CELSR1: variants seen among roughly 807,000 people sequenced by gnomAD.
CELSR1 encodes cadherin EGF LAG seven-pass G-type receptor 1, also known as adhesion G protein-coupled receptor C1.
In CELSR1, 110 loss-of-function variants were observed where a neutral mutation model predicts 249.1. That is an observed-to-expected ratio of 0.44 (90% CI 0.38 to 0.52). The LOEUF is 0.52. Ranked by LOEUF, CELSR1 falls within the 20% of genes least tolerant of loss-of-function variation. The pLI is 0.00. For missense variants in CELSR1, 4,109 were observed against 4,296.4 expected (o/e 0.96, Z 1.22); for synonymous variants, 2,113 against 1,900.0 (o/e 1.11, Z -2.92).
At chr22:46,459,648 T>C (rs1278798376) in intron 2 of CELSR1, among the ~76,000 whole-genome samples, 7 of 152,150 alleles carry the variant, frequency 4.6e-5, no homozygotes, top group African/African-American at 1.4e-4. Flanking sequence ...GCACTACAGA[T>C]GTCAAGCAGC....
chr22:46,462,512 A>G (rs1476998158), intron 2 of CELSR1, among the ~76,000 whole-genome samples: 1 of 152,176 alleles, frequency 6.6e-6, no homozygotes, highest in Non-Finnish European at 1.5e-5. Flanking sequence ...AACTTGTGCT[A>G]TGTGCTGGTA....
rs1461494302 is a variant in CELSR1, at chr22:46,399,755, G to A, written c.5374C>T (p.His1792Tyr). ...TAGTCCAAGGTCATGGTGACCAGGT[G>A]CTTCATCTCACTGTCCTCCTTAACA... is the stretch of plus-strand genomic sequence containing the variant. ...KNVKEDSEMKHLVTMTLDYGM... is the reference protein window; with the variant it reads ...KNVKEDSEMKYLVTMTLDYGM... The change falls in exon 10 of 35, where the codon CAC becomes TAC. Residue 1792 changes from histidine (H) to tyrosine (Y), a missense_variant. Physicochemically the swap from His to Tyr is moderately conservative, Grantham distance 83 (BLOSUM62 2). Coordinates refer to ENST00000674500, the MANE Select transcript of CELSR1 (RefSeq NM_001378328.1). This position sits in a 1 kb window ranked among gnomAD's most constrained non-coding sequence, Gnocchi z 5.0. 2.5e-6 allele frequency: 4 copies of A among 1,614,062 alleles called. No homozygotes were observed. Among genetic ancestry groups the A allele is most frequent in the East Asian group, 2.2e-5 (1 of 44,872 alleles).
chr22:46,432,968 T>C (rs1347232968), intron 5 of CELSR1, among the ~76,000 whole-genome samples: 1 of 151,940 alleles, frequency 6.6e-6, no homozygotes, highest in African/African-American at 2.4e-5. Context: ...CAATAGCACA[T>C]TTAAAAAAAA....
Position 46,411,453 on chromosome 22 carries a change from C to T in CELSR1, c.4769+149G>A. 2 of 887,070 alleles carry T rather than the reference C, an allele frequency of 2.3e-6. No homozygotes were observed. The highest frequency in any genetic ancestry group is 2.7e-5 in the East Asian group (1 of 37,592). The allele number at this position is 887,070 out of a possible 1,614,324, so 54.9% of individuals were successfully genotyped here. A position where few individuals can be genotyped will look rare whatever the true frequency, so the allele number is the denominator to read the frequency against. ...AAGGTCAGAGGGAAGGTGCCCCAACCATGGACAGGATGTCTGACTCTAGCC... is the reference window on the plus strand; with the variant it reads ...AAGGTCAGAGGGAAGGTGCCCCAACTATGGACAGGATGTCTGACTCTAGCC... On this transcript the variant is annotated intron_variant, in intron 6 of 34. Transcript: ENST00000674500. This position sits in a 1 kb window ranked among gnomAD's most constrained non-coding sequence, Gnocchi z 4.2.
intron 22 of CELSR1, among the ~76,000 whole-genome samples, chr22:46,378,974 G>C (rs2078948878): frequency 6.6e-6 from 1 of 152,228 alleles, no homozygotes; most frequent in African/African-American, 2.4e-5. Context: ...AGGACCATGG[G>C]AACAGTCTCC....
chr22:46,363,292 G>A lies in CELSR1; in HGVS notation c.9036-45C>T. The A allele has an allele frequency of 1.3e-6, 2 of 1,564,158 alleles. No homozygotes were observed. The highest frequency in any genetic ancestry group is 1.8e-6 in the Non-Finnish European group (2 of 1,138,466). ...AGCAAGCAGGTGAAGGGTCAGTGAG[G>A]GTAGCGGCTTGGTGGGGCCCAAGGT... On this transcript the variant is annotated intron_variant, in intron 34 of 34. Coordinates refer to ENST00000674500, the MANE Select transcript of CELSR1 (RefSeq NM_001378328.1). This position sits in a 1 kb window ranked among gnomAD's most constrained non-coding sequence, Gnocchi z 4.3.
intron 2 of CELSR1, among the ~76,000 whole-genome samples, chr22:46,456,334 A>G (rs2079948789): frequency 6.6e-6 from 1 of 152,218 alleles, no homozygotes; most frequent in African/African-American, 2.4e-5. Flanking sequence ...AGCAGATCAC[A>G]TGAAGATGGA....
In CELSR1 at chr22:46,393,265, G is replaced by A. The variant is rs2079112880; in HGVS notation, c.5964+877C>T. Among the ~76,000 whole-genome samples, 1 of 152,210 alleles carries A rather than the reference G, an allele frequency of 6.6e-6. No homozygotes were observed. Among genetic ancestry groups the A allele is most frequent in the Non-Finnish European group, 1.5e-5 (1 of 68,034 alleles). The stretch of plus-strand genomic sequence containing the variant: ...GGAGGTGATGTATCCTGAGAGGGCT[G>A]GGGAGGGGTCCCTAGAGTCTGCACT... On this transcript the variant is annotated intron_variant, in intron 14 of 34. Transcript: ENST00000674500. The surrounding 1 kb of genome is among the most constrained non-coding windows in gnomAD (Gnocchi z 4.1).
intron 9 of CELSR1, among the ~76,000 whole-genome samples, chr22:46,403,242 C>CA (rs1234289704): frequency 1.3e-5 from 2 of 151,906 alleles, no homozygotes; most frequent in African/African-American, 2.4e-5. Flanking sequence ...GAGACAAAGA[C>CA]AAAAAAACAA....
rs1349450040 is a variant in CELSR1, at chr22:46,427,577, A to G, written c.4611+5816T>C. ...ACACCCTACAACTATGGCTTTTAAA[A>G]TCTAGTAACAAGATCCTGGGAGCTC... On this transcript the variant is annotated intron_variant, in intron 5 of 34. Coordinates refer to ENST00000674500, the MANE Select transcript of CELSR1 (RefSeq NM_001378328.1). The surrounding 1 kb of genome is among the most constrained non-coding windows in gnomAD (Gnocchi z 4.2). Among the ~76,000 whole-genome samples, 1 of 152,192 alleles carries G rather than the reference A, an allele frequency of 6.6e-6. No individual in the cohort carries two copies. Among genetic ancestry groups the G allele is most frequent in the Non-Finnish European group, 1.5e-5 (1 of 68,046 alleles).
At position 46,445,953 on chromosome 22, in the gene CELSR1, C is replaced by G. The variant is rs755079866; in HGVS notation, c.4184-6542G>C. Among the ~76,000 whole-genome samples, 4 of 152,156 alleles carry G rather than the reference C, an allele frequency of 2.6e-5. No homozygotes were observed. Among genetic ancestry groups the G allele is most frequent in the Non-Finnish European group, 4.4e-5 (3 of 68,024 alleles). On this transcript the variant is annotated intron_variant, in intron 2 of 34. Transcript: ENST00000674500. The surrounding 1 kb of genome is among the most constrained non-coding windows in gnomAD (Gnocchi z 4.4). ...TGCACAGCCACAAGCCCCCTCGCCT[C>G]GCGGCCCCTGCTCCTGCCGCACAGC...
chr22:46,419,926 T>C (rs530592625), intron 5 of CELSR1, among the ~76,000 whole-genome samples: 1 of 151,048 alleles, frequency 6.6e-6, no homozygotes, highest in Non-Finnish European at 1.5e-5. Context: ...CGCTCACACG[T>C]ACACTTACCC....
chr22:46,521,794 G>A (rs2080688857), intron 1 of CELSR1, among the ~76,000 whole-genome samples: 1 of 152,226 alleles, frequency 6.6e-6, no homozygotes. Flanking sequence ...TCCAGCCTGG[G>A]CAACAGAGTG....
Position 46,364,516 on chromosome 22 carries a change from C to G in CELSR1, c.8775G>C (p.Arg2925Ser). The change falls in exon 33 of 35, where the codon AGG becomes AGC. Residue 2925 changes from arginine to serine, a missense_variant. Around this residue, in one of 7 missense-constraint regions of CELSR1, gnomAD observed 1,805 missense variants for 1,831.6 expected, o/e 0.99. Transcript: ENST00000674500. ...AGCCCCGGCCTCCCCAGGCACCTTT[C>G]CTCTGCTCTGGGGGCTGGCTGCTAG... is the stretch of plus-strand genomic sequence containing the variant. Reference protein sequence around the residue: ...RLASSQPPEQRKGILKNKVTY... With the variant: ...RLASSQPPEQSKGILKNKVTY... The G allele has an allele frequency of 6.2e-7, 1 of 1,609,598 alleles. No homozygotes were observed. The highest frequency in any genetic ancestry group is 8.5e-7 in the Non-Finnish European group (1 of 1,178,648).
At chr22:46,453,904 A>G (rs1205367828) in intron 2 of CELSR1, among the ~76,000 whole-genome samples, 1 of 152,234 alleles carries the variant, frequency 6.6e-6, no homozygotes, top group Admixed American at 6.5e-5. Context: ...AGGAGACACC[A>G]GGAGCAGCCG....
At chr22:46,364,402 C>A in intron 33 of CELSR1, 110 bp downstream of exon 33, 1 of 1,496,710 alleles carries the variant, frequency 6.7e-7, no homozygotes, top group East Asian at 2.3e-5. Flanking sequence ...TCTGTTCTGC[C>A]CAGGCCCTGA....
Position 46,448,491 on chromosome 22 carries a change from G to C in CELSR1, c.4184-9080C>G, listed in dbSNP as rs1382894279. The C allele has an allele frequency of 2.5e-5, 10 of 399,212 alleles. No individual in the cohort carries two copies. Among genetic ancestry groups the C allele is most frequent in the African/African-American group, 2.1e-4 (10 of 47,592 alleles). The allele number at this position is 399,212 out of a possible 1,614,324, so 24.7% of individuals were successfully genotyped here. A position where few individuals can be genotyped will look rare whatever the true frequency, so the allele number is the denominator to read the frequency against. On this transcript the variant is annotated intron_variant, in intron 2 of 34. Transcript: ENST00000674500. This position sits in a 1 kb window ranked among gnomAD's most constrained non-coding sequence, Gnocchi z 5.7. ...ACGCGCTGGGAACGTGCCCCAGGAG[G>C]GGAAGGGCGTGTAAAGATTGACCAC...
At chr22:46,392,621 G>C (rs1406237879) in intron 14 of CELSR1, among the ~76,000 whole-genome samples, 1 of 152,112 alleles carries the variant, frequency 6.6e-6, no homozygotes, top group Non-Finnish European at 1.5e-5. Flanking sequence ...CAGTGGTGCA[G>C]TCACAGCTCA....
intron 1 of CELSR1, among the ~76,000 whole-genome samples, chr22:46,483,602 G>A (rs1250858036): frequency 1.3e-5 from 2 of 152,058 alleles, no homozygotes; most frequent in Non-Finnish European, 2.9e-5. Flanking sequence ...GCCTCCTGGA[G>A]TCCCCTGAGG....
Sources: allele counts gnomAD v4.1 joint callset (sites outside exome capture counted in the v4.1 genomes callset), GRCh38; gene constraint gnomAD v4.1.1; regional missense constraint gnomAD v4.1.1; non-coding constraint Gnocchi (gnomAD v3.1); transcripts MANE v1.5; gene names NCBI Gene and HGNC (gene_info 2026-07-23, HGNC 2026-07-21).